Variants in TRAK2 observed in about 807,000 individuals in gnomAD.
TRAK2 encodes trafficking kinesin protein 2.
A neutral mutation model predicts 104.6 loss-of-function variants in TRAK2; 81 were observed. The ratio of observed to expected loss-of-function variants is 0.77; its 90% CI spans 0.65 to 0.93. The LOEUF (loss-of-function observed/expected upper bound fraction) is 0.93, where lower values mean the gene tolerates loss of function less well. Among genes scored for constraint, TRAK2 ranks in the 40% least tolerant of loss-of-function variants. TRAK2 has a pLI of 0.00. For synonymous variants in TRAK2, 406 were observed against 394.4 expected (o/e 1.03, Z -0.35); for missense variants, 1,002 against 1,089.0 (o/e 0.92, Z 1.12).
At chr2:201,431,562 A>G (rs1047498306) in intron 1 of TRAK2, among the ~76,000 whole-genome samples, 5 of 152,166 alleles carry the variant, frequency 3.3e-5, no homozygotes, top group Admixed American at 3.3e-4. Context: ...TCTGCTGTCA[A>G]GTCTCCTTTG....
intron 1 of TRAK2, among the ~76,000 whole-genome samples, chr2:201,446,042 T>C (rs1951961684): frequency 6.6e-6 from 1 of 152,200 alleles, no homozygotes; most frequent in South Asian, 2.1e-4. Context: ...ACTGATGAGT[T>C]GGGGATAGAT....
chr2:201,436,069 G>A (rs1951878250), intron 1 of TRAK2, among the ~76,000 whole-genome samples: 1 of 151,794 alleles, frequency 6.6e-6, no homozygotes, highest in South Asian at 2.1e-4. Flanking sequence ...TATATTCCAG[G>A]ATATTAATAA....
At chr2:201,429,087 T>C (rs1951818287) in intron 1 of TRAK2, among the ~76,000 whole-genome samples, 1 of 152,248 alleles carries the variant, frequency 6.6e-6, no homozygotes, top group Non-Finnish European at 1.5e-5. Flanking sequence ...TGGGGTCTTC[T>C]AAATATATAA....
rs989707313 is a variant in TRAK2, at chr2:201,387,841, C to A, written c.1558G>T (p.Gly520Ter). Residue 520 changes from glycine (G) to a stop codon, truncating the protein, a stop_gained, in exon 13 of 16, where the codon GGA (glycine) becomes TGA (stop). Transcript: ENST00000332624. LOFTEE classifies it high-confidence loss of function. The stretch of plus-strand genomic sequence containing the variant: ...GTCGGGGTGACACAGCCACTAACTC[C>A]TTCCTTCTGGTCTGCCAGAACCTGG... ...KIQVLADQKE[G>*]VSGCVTPTES... is the part of the protein sequence containing the mutation. The A allele has an allele frequency of 6.2e-7, 1 of 1,614,204 alleles. No individual in the cohort carries two copies. The highest frequency in any genetic ancestry group is 8.5e-7 in the Non-Finnish European group (1 of 1,180,026).
chr2:201,413,411 C>G, intron 2 of TRAK2: 1 of 511,984 alleles, frequency 2.0e-6, no homozygotes, highest in South Asian at 3.4e-5. Flanking sequence ...GCTGTTCCTG[C>G]TCTGCCTTCA....
intron 1 of TRAK2, among the ~76,000 whole-genome samples, chr2:201,439,031 T>G (rs1262389294): frequency 6.6e-6 from 1 of 152,220 alleles, no homozygotes; most frequent in Non-Finnish European, 1.5e-5. Flanking sequence ...AGATAAAAAA[T>G]AAATCTCTAT....
rs770747612 is a variant in TRAK2, at chr2:201,407,421, C to T, written c.268G>A (p.Glu90Lys). The change falls in exon 3 of 16, where the codon GAG (glutamate) becomes AAG (lysine). Residue 90 changes from glutamate to lysine, a missense_variant. Physicochemically the swap from Glu to Lys is moderately conservative, Grantham distance 56 (BLOSUM62 1). Coordinates refer to ENST00000332624, the MANE Select transcript of TRAK2 (RefSeq NM_015049.3). ...SDALSPVLAE[E>K]TFRYMILGTD... The stretch of plus-strand genomic sequence containing the variant: ...TACTCACTCATGTAACGGAAAGTCT[C>T]TTCAGCAAGGACTGGAGAGAGAGCA... 1 of 1,613,720 alleles carries T rather than the reference C, an allele frequency of 6.2e-7. No individual in the cohort carries two copies. Among genetic ancestry groups the T allele is most frequent in the East Asian group, 2.2e-5 (1 of 44,870 alleles).
chr2:201,449,990 G>A (rs147882871), intron 1 of TRAK2, among the ~76,000 whole-genome samples: 1,786 of 152,132 alleles, frequency 0.012, 19 homozygotes, highest in Middle Eastern at 0.034. Context: ...ACAGCGCCCG[G>A]CCAAATGTTG....
chr2:201,426,278 G>C (rs1397830569), intron 1 of TRAK2, among the ~76,000 whole-genome samples: 1 of 152,280 alleles, frequency 6.6e-6, no homozygotes, highest in East Asian at 1.9e-4. Flanking sequence ...CTGCGCGTGC[G>C]AGGGATCTAG....
intron 10 of TRAK2, among the ~76,000 whole-genome samples, chr2:201,391,853 G>C (rs1320902422): frequency 6.6e-6 from 1 of 152,108 alleles, no homozygotes; most frequent in African/African-American, 2.4e-5. Flanking sequence ...AGTCACGAAA[G>C]AGAAATAAAG....
chr2:201,398,669 C>A (rs973554325), intron 5 of TRAK2, among the ~76,000 whole-genome samples: 3 of 152,054 alleles, frequency 2.0e-5, no homozygotes, highest in Non-Finnish European at 4.4e-5. Flanking sequence ...ATAATACATT[C>A]ATAGTTGAAA....
At position 201,410,308 on chromosome 2, in the gene TRAK2, A is replaced by G. The variant is rs190139865; in HGVS notation, c.92-2711T>C. ...GCGACAGAGCAAGACTCCGTCTCAAAAAAAAAAAACAAAAAACCTGGAGAG... is the reference window on the plus strand; with the variant it reads ...GCGACAGAGCAAGACTCCGTCTCAAGAAAAAAAAACAAAAAACCTGGAGAG... On this transcript the variant is annotated intron_variant, in intron 2 of 15. Coordinates refer to ENST00000332624, the MANE Select transcript of TRAK2 (RefSeq NM_015049.3). Among the ~76,000 whole-genome samples, 80 of 152,182 alleles carry G rather than the reference A, an allele frequency of 5.3e-4. No individual in the cohort carries two copies. The East Asian group carries it at 0.013, about 25-fold the overall frequency.
chr2:201,389,879 T>C lies in TRAK2; in HGVS notation c.1115A>G (p.Glu372Gly), dbSNP rs1404850446. The part of the protein sequence containing the change: ...FSQSYGAFTG[E>G]SLAAEIEGTM... ...CCCCTCAATCTCAGCTGCCAAAGAT[T>C]CCTAAGAAAAAGAGTTTGAGATTTC... The change falls in exon 11 of 16, where the codon GAA (glutamate) becomes GGA (glycine). Residue 372 changes from glutamate (E) to glycine (G), a missense_variant and splice_region_variant. Physicochemically the swap from Glu to Gly is moderately conservative, Grantham distance 98. Transcript: ENST00000332624. 2 of 1,612,306 alleles carry C rather than the reference T, an allele frequency of 1.2e-6. No homozygotes were observed. The highest frequency in any genetic ancestry group is 1.7e-6 in the Non-Finnish European group (2 of 1,179,346).
chr2:201,418,870 A>G (rs544935854), intron 2 of TRAK2, among the ~76,000 whole-genome samples: 7 of 152,306 alleles, frequency 4.6e-5, no homozygotes, highest in African/African-American at 7.2e-5. Flanking sequence ...GCAAAAACTG[A>G]TAACTCCATC....
rs1951512683 is a variant in TRAK2, at chr2:201,397,522, C to T, written c.749G>A (p.Ser250Asn). 1 of 1,612,614 alleles carries T rather than the reference C, an allele frequency of 6.2e-7. No individual in the cohort carries two copies. The highest frequency in any genetic ancestry group is 8.5e-7 in the Non-Finnish European group (1 of 1,179,180). ...CTCACGAAGTTCTTTAACACAGTCG[C>T]TGACAAGCTGTTGTTCCTTTTCTTC... ...TYEEKEQQLV[S>N]DCVKELRETN... Residue 250 changes from serine to asparagine, a missense_variant, in exon 7 of 16, where the codon AGC (serine) becomes AAC (asparagine). Coordinates refer to ENST00000332624, the MANE Select transcript of TRAK2 (RefSeq NM_015049.3).
rs372639708 is a variant in TRAK2, at chr2:201,386,219, T to G, written c.1962A>C (p.Thr654=). Residue 654 remains threonine (T), a splice_region_variant and synonymous_variant, in exon 14 of 16, where the codon ACA becomes ACC. Coordinates refer to ENST00000332624, the MANE Select transcript of TRAK2 (RefSeq NM_015049.3). ...TATTCAACCAGACACTCTTCTCACCTGTAACTGGTCCACCTGCTGAAGTAA... is the reference window on the plus strand; with the variant it reads ...TATTCAACCAGACACTCTTCTCACCGGTAACTGGTCCACCTGCTGAAGTAA... The part of the protein sequence containing the change: ...PPITSAGGPV[T]VATANPGKCL... The G allele has an allele frequency of 1.7e-5, 28 of 1,614,008 alleles. No individual in the cohort carries two copies. The highest frequency in any genetic ancestry group is 2.3e-5 in the Non-Finnish European group (27 of 1,179,996).
chr2:201,393,416 GAAGTCTGT>G (rs1408756508), intron 9 of TRAK2, among the ~76,000 whole-genome samples: 1 of 152,084 alleles, frequency 6.6e-6, no homozygotes, highest in African/African-American at 2.4e-5. Context: ...ACATCACTCT[GAAGTCTGT>G]AAGTGACAAG....
At chr2:201,399,303 C>A (rs1203615253) in intron 5 of TRAK2, 74 bp downstream of exon 5, 17 of 969,952 alleles carry the variant, frequency 1.8e-5, no homozygotes, top group Admixed American at 5.7e-5. Flanking sequence ...ATTTCAGGGA[C>A]ACCTAGGAAA....
chr2:201,439,184 T>C (rs544710797), intron 1 of TRAK2, among the ~76,000 whole-genome samples: 1 of 152,316 alleles, frequency 6.6e-6, no homozygotes, highest in East Asian at 1.9e-4. Flanking sequence ...TGCATAGGAA[T>C]ATGAGACTGT....
Sources: allele counts gnomAD v4.1 joint callset (sites outside exome capture counted in the v4.1 genomes callset), GRCh38; gene constraint gnomAD v4.1.1; transcripts MANE v1.5; gene names NCBI Gene and HGNC (gene_info 2026-07-23, HGNC 2026-07-21).